Variants in CCSER1 observed in about 807,000 individuals in gnomAD.
CCSER1 encodes the protein coiled-coil serine rich protein 1.
A neutral mutation model predicts 82.0 loss-of-function variants in CCSER1; 41 were observed. The observed-to-expected ratio is 0.50, with a 90% CI of 0.39 to 0.65. The LOEUF is 0.65. Ranked by LOEUF, CCSER1 falls within the 30% of genes least tolerant of loss-of-function variation. The pLI is 0.00. For synonymous variants in CCSER1, 414 were observed against 383.9 expected (o/e 1.08, Z -0.92); for missense variants, 1,119 against 1,064.2 (o/e 1.05, Z -0.72).
chr4:91,111,816 G>GAA, intron 10 of CCSER1, among the ~76,000 whole-genome samples: 1 of 115,358 alleles, frequency 8.7e-6, no homozygotes, highest in East Asian at 2.4e-4. Flanking sequence ...GAAAGGAAAA[G>GAA]AGAAAAAGAG....
chr4:90,186,643 G>A (rs530323468), intron 1 of CCSER1, among the ~76,000 whole-genome samples: 3 of 151,764 alleles, frequency 2.0e-5, no homozygotes, highest in Non-Finnish European at 4.4e-5. Flanking sequence ...TATTCCTTGA[G>A]GCCTTAATAG....
At chr4:90,930,456 T>A (rs1040573634) in intron 9 of CCSER1, among the ~76,000 whole-genome samples, 5 of 151,138 alleles carry the variant, frequency 3.3e-5, no homozygotes, top group Non-Finnish European at 7.4e-5. Flanking sequence ...AAAAAAAAAA[T>A]TAGCCAGGCG....
chr4:91,331,827 C>T (rs1317956909), intron 10 of CCSER1, among the ~76,000 whole-genome samples: 2 of 152,116 alleles, frequency 1.3e-5, no homozygotes, highest in Non-Finnish European at 2.9e-5. Flanking sequence ...GATATTTGTT[C>T]ACTAAAGAGT....
intron 10 of CCSER1, among the ~76,000 whole-genome samples, chr4:91,453,053 G>C (rs879620444): frequency 1.3e-5 from 2 of 151,800 alleles, no homozygotes; most frequent in Non-Finnish European, 2.9e-5. Context: ...CACTTCACTG[G>C]GTTTCAAATT....
At chr4:90,213,348 C>T (rs1246953028) in intron 1 of CCSER1, among the ~76,000 whole-genome samples, 1 of 152,046 alleles carries the variant, frequency 6.6e-6, no homozygotes, top group Non-Finnish European at 1.5e-5. Flanking sequence ...GGAGGAAAAC[C>T]AGGTATTTCC....
chr4:90,455,872 C>T (rs538650327), intron 4 of CCSER1, among the ~76,000 whole-genome samples: 1 of 152,284 alleles, frequency 6.6e-6, no homozygotes, highest in East Asian at 1.9e-4. Context: ...GCCGTGCCCC[C>T]TAAACTTCAC....
At chr4:91,241,327 ATTTTTT>A (rs755254962) in intron 10 of CCSER1, among the ~76,000 whole-genome samples, 1 of 116,266 alleles carries the variant, frequency 8.6e-6, no homozygotes, top group South Asian at 2.7e-4. Context: ...CATAAAATAC[ATTTTTT>A]TTTTTTTTTT....
intron 10 of CCSER1, among the ~76,000 whole-genome samples, chr4:91,353,183 A>C (rs1265129722): frequency 6.6e-6 from 1 of 152,226 alleles, no homozygotes; most frequent in Admixed American, 6.5e-5. Flanking sequence ...GGCTTTATTC[A>C]GCCAGGAGCG....
At chr4:91,375,226 G>A (rs543435941) in intron 10 of CCSER1, among the ~76,000 whole-genome samples, 4 of 152,190 alleles carry the variant, frequency 2.6e-5, no homozygotes, top group Non-Finnish European at 5.9e-5. Flanking sequence ...AAGTTCAGGG[G>A]AGGAAGTAAT....
At chr4:90,925,565 T>C (rs1458543246) in intron 9 of CCSER1, among the ~76,000 whole-genome samples, 1 of 152,200 alleles carries the variant, frequency 6.6e-6, no homozygotes, top group South Asian at 2.1e-4. Context: ...AAATGACTTA[T>C]CTGTGGATAG....
chr4:90,924,222 G>A (rs1300318201), intron 9 of CCSER1, among the ~76,000 whole-genome samples: 1 of 152,060 alleles, frequency 6.6e-6, no homozygotes, highest in Non-Finnish European at 1.5e-5. Flanking sequence ...GCACTTTGCT[G>A]ATAAGTAGAA....
chr4:90,587,420 G>T (rs1282879134), intron 5 of CCSER1, among the ~76,000 whole-genome samples: 1 of 152,138 alleles, frequency 6.6e-6, no homozygotes, highest in African/African-American at 2.4e-5. Context: ...GTCCAATCAG[G>T]TCAACCTGGT....
In CCSER1 at chr4:91,177,424, A is replaced by G. The variant is rs142166685; in HGVS notation, c.2217+91430A>G. ...AGCTCCTCTTTGTACGTCTGGTAGA[A>G]TTTGGCTGTGAATCCATCTGGTCCT... On this transcript the variant is annotated intron_variant, in intron 10 of 10. Coordinates refer to ENST00000509176, the MANE Select transcript of CCSER1 (RefSeq NM_001145065.2). Among the ~76,000 whole-genome samples, 1,419 of 152,280 alleles carry G rather than the reference A, an allele frequency of 9.3e-3. 8 individuals are homozygous for G. Among genetic ancestry groups the G allele is most frequent in the African/African-American group, 0.022 (929 of 41,540 alleles).
Position 91,090,792 on chromosome 4 carries a change from A to G in CCSER1, c.2217+4798A>G, listed in dbSNP as rs150369484. Among the ~76,000 whole-genome samples, 82 of 152,308 alleles carry G rather than the reference A, an allele frequency of 5.4e-4. 4 individuals are homozygous for G. The East Asian group carries it at 0.012, about 23-fold the overall frequency. On this transcript the variant is annotated intron_variant, in intron 10 of 10. Coordinates refer to ENST00000509176, the MANE Select transcript of CCSER1 (RefSeq NM_001145065.2). Reference sequence around the variant, plus strand: ...TACTGGCACATTTAGTTCATCATAGAAAGTCTGAAATACTGGCTCTGGAGA... The same window carrying G: ...TACTGGCACATTTAGTTCATCATAGGAAGTCTGAAATACTGGCTCTGGAGA...
At chr4:90,418,677 C>A (rs1036760208) in intron 4 of CCSER1, among the ~76,000 whole-genome samples, 16 of 152,064 alleles carry the variant, frequency 1.1e-4, no homozygotes, top group African/African-American at 3.4e-4. Context: ...AAAATTAATT[C>A]ATGTAAAATG....
intron 7 of CCSER1, among the ~76,000 whole-genome samples, chr4:90,810,594 G>A (rs1027469340): frequency 4.0e-5 from 6 of 151,822 alleles, no homozygotes; most frequent in South Asian, 2.1e-4. Flanking sequence ...GCGGTGAGCC[G>A]AGATTGTGCC....
At chr4:91,403,833 T>A (rs1033925145) in intron 10 of CCSER1, among the ~76,000 whole-genome samples, 1 of 152,216 alleles carries the variant, frequency 6.6e-6, no homozygotes, top group Non-Finnish European at 1.5e-5. Flanking sequence ...TCGATGTTCA[T>A]CAGGGATATT....
intron 3 of CCSER1, among the ~76,000 whole-genome samples, chr4:90,358,606 G>A (rs1051028361): frequency 1.3e-5 from 2 of 152,030 alleles, no homozygotes; most frequent in Admixed American, 6.5e-5. Context: ...GATATTTTAT[G>A]TGGTCTTGCC....
chr4:90,362,104 A>C (rs1204547735), intron 3 of CCSER1, among the ~76,000 whole-genome samples: 1 of 152,154 alleles, frequency 6.6e-6, no homozygotes, highest in African/African-American at 2.4e-5. Flanking sequence ...AACCCAAGCA[A>C]ATACTGACAC....
Sources: gnomAD v4.1 joint callset for allele counts (sites outside exome capture counted in the v4.1 genomes callset) on GRCh38, gnomAD v4.1.1 for gene constraint, MANE v1.5 for transcripts, NCBI Gene and HGNC (gene_info 2026-07-23, HGNC 2026-07-21) for gene names.